ADGRD1: variants seen among roughly 807,000 people sequenced by gnomAD.
The protein encoded by ADGRD1 is G-protein coupled receptor 133.
A neutral mutation model predicts 113.4 loss-of-function variants in ADGRD1; 77 were observed. The observed-to-expected ratio is 0.68, with a 90% CI of 0.57 to 0.82. ADGRD1 has a LOEUF of 0.82. Among genes scored for constraint, ADGRD1 ranks in the 40% least tolerant of loss-of-function variants. The pLI is 0.00. For synonymous variants in ADGRD1, 474 were observed against 475.0 expected (o/e 1.00, Z 0.03); for missense variants, 1,036 against 1,139.1 (o/e 0.91, Z 1.30).
chr12:131,005,692 G>A (rs1217614039), intron 11 of ADGRD1, among the ~76,000 whole-genome samples: 2 of 152,178 alleles, frequency 1.3e-5, no homozygotes, highest in Non-Finnish European at 2.9e-5. Flanking sequence ...CTCTGAGACC[G>A]TGTGATGCCC....
intron 13 of ADGRD1, among the ~76,000 whole-genome samples, chr12:131,053,595 A>G (rs1412060658): frequency 6.6e-6 from 1 of 152,172 alleles, no homozygotes; most frequent in Non-Finnish European, 1.5e-5. Context: ...ACTTTCCATA[A>G]CATCAGTCAA....
At chr12:131,106,385 G>A (rs1282748384) in intron 17 of ADGRD1, among the ~76,000 whole-genome samples, 1 of 152,198 alleles carries the variant, frequency 6.6e-6, no homozygotes, top group African/African-American at 2.4e-5. Flanking sequence ...CATGGAGTGG[G>A]GGGTTCTCTG....
intron 13 of ADGRD1, among the ~76,000 whole-genome samples, chr12:131,046,537 A>G (rs62645687): frequency 0.82 from 89,108 of 108,668 alleles, 36,681 homozygotes; most frequent in East Asian, 0.97. Context: ...TCCCTCCCTG[A>G]TCAGTGCCCC....
intron 15 of ADGRD1, among the ~76,000 whole-genome samples, chr12:131,092,655 G>T (rs2137258422): frequency 6.6e-6 from 1 of 152,262 alleles, no homozygotes; most frequent in East Asian, 1.9e-4. Flanking sequence ...GGGTGCAGGA[G>T]CCCTGTGCCA....
At position 131,014,903 on chromosome 12, in the gene ADGRD1, G is replaced by A. The variant is rs779342711; in HGVS notation, c.1473+563G>A. On this transcript the variant is annotated intron_variant, in intron 13 of 24. Coordinates refer to ENST00000261654, the MANE Select transcript of ADGRD1 (RefSeq NM_198827.5). The stretch of plus-strand genomic sequence containing the variant: ...GATGCACTGCCATTCTTTAGTAAAA[G>A]GCAAAAGATGTATACAATCTGAGGA... Among the ~76,000 whole-genome samples, 202 of 152,262 alleles carry A rather than the reference G, an allele frequency of 1.3e-3. 1 individual carries two copies. Among genetic ancestry groups the A allele is most frequent in the Non-Finnish European group, 2.5e-3 (170 of 68,018 alleles).
intron 21 of ADGRD1, 35 bp from the exon 22 acceptor site, chr12:131,136,002 T>A: frequency 1.9e-6 from 3 of 1,613,022 alleles, no homozygotes; most frequent in Non-Finnish European, 2.5e-6. Context: ...CCTGCCCTCC[T>A]GCCACTCAGG....
At chr12:130,983,538 A>G (rs189749113) in intron 5 of ADGRD1, among the ~76,000 whole-genome samples, 3 of 152,292 alleles carry the variant, frequency 2.0e-5, no homozygotes, top group East Asian at 3.9e-4. Context: ...TTGACCTTGA[A>G]CAAAGGTAAA....
At chr12:131,029,581 C>G (rs112339914) in intron 13 of ADGRD1, among the ~76,000 whole-genome samples, 2,736 of 149,922 alleles carry the variant, frequency 0.018, 94 homozygotes, top group African/African-American at 0.064. Flanking sequence ...GTTGTGGACC[C>G]CTCATGTGGT....
At chr12:131,094,429 A>G (rs1267506163) in intron 15 of ADGRD1, among the ~76,000 whole-genome samples, 5 of 151,792 alleles carry the variant, frequency 3.3e-5, no homozygotes, top group Non-Finnish European at 7.4e-5. Context: ...AGGACGGTCT[A>G]TTGCCCTGTT....
intron 13 of ADGRD1, among the ~76,000 whole-genome samples, chr12:131,051,705 C>T (rs1379798141): frequency 1.3e-5 from 2 of 152,160 alleles, no homozygotes; most frequent in Admixed American, 1.3e-4. Flanking sequence ...AGGCTGGTCT[C>T]AAACTCCTGA....
chr12:131,035,975 T>C (rs1031269706), intron 13 of ADGRD1, among the ~76,000 whole-genome samples: 2 of 152,214 alleles, frequency 1.3e-5, no homozygotes, highest in African/African-American at 4.8e-5. Flanking sequence ...ATTATACCAC[T>C]ACTAAGGTTC....
intron 15 of ADGRD1, among the ~76,000 whole-genome samples, chr12:131,094,096 CACCCAGCCCTGAGCACCCAGCCTCGGT>C (rs1409261469): frequency 6.7e-6 from 1 of 149,492 alleles, no homozygotes; most frequent in African/African-American, 2.5e-5. Flanking sequence ...CCAGTCTCAG[CACCCAGCCCTGAGCACCCAGCCTCGGT>C]ACCCAGCCCT....
intron 14 of ADGRD1, among the ~76,000 whole-genome samples, chr12:131,078,349 C>T (rs991925362): frequency 6.6e-6 from 1 of 152,206 alleles, no homozygotes; most frequent in Non-Finnish European, 1.5e-5. Flanking sequence ...CTATGGCCGT[C>T]GGCGTCTGGC....
At chr12:131,055,895 C>T (rs1199391997) in intron 13 of ADGRD1, among the ~76,000 whole-genome samples, 2 of 152,130 alleles carry the variant, frequency 1.3e-5, no homozygotes, top group African/African-American at 4.8e-5. Flanking sequence ...TTTGATGTGG[C>T]ATATCAGAGG....
chr12:130,989,109 C>T (rs1231849898), intron 6 of ADGRD1: 1 of 152,188 alleles, frequency 6.6e-6, no homozygotes, highest in East Asian at 1.9e-4. Context: ...AATGCATTCC[C>T]TCTCCTAGCA....
intron 13 of ADGRD1, among the ~76,000 whole-genome samples, chr12:131,045,774 C>T (rs1048424803): frequency 2.0e-5 from 3 of 152,156 alleles, no homozygotes; most frequent in Non-Finnish European, 2.9e-5. Flanking sequence ...GCTGCCGGCA[C>T]CAGGCGGCCA....
rs1353250373 is a variant in ADGRD1, at chr12:131,050,425, T to C, written c.1474-26376T>C. Among the ~76,000 whole-genome samples the C allele has an allele frequency of 1.3e-5, 2 of 152,100 alleles. No individual in the cohort carries two copies. Among genetic ancestry groups the C allele is most frequent in the African/African-American group, 4.8e-5 (2 of 41,424 alleles). Reference sequence around the variant, plus strand: ...TTAGTCTGTTCATTGCTATAAGAAATACCTGAGGCTGGGTAATTTATTTTA... The same window carrying C: ...TTAGTCTGTTCATTGCTATAAGAAACACCTGAGGCTGGGTAATTTATTTTA... On this transcript the variant is annotated intron_variant, in intron 13 of 24. Transcript: ENST00000261654. The surrounding 1 kb of genome is among the most constrained non-coding windows in gnomAD (Gnocchi z 4.8).
At chr12:131,098,287 A>T (rs1241431415) in intron 15 of ADGRD1, among the ~76,000 whole-genome samples, 1 of 151,990 alleles carries the variant, frequency 6.6e-6, no homozygotes, top group Non-Finnish European at 1.5e-5. Context: ...CTTTCCCATG[A>T]TGAAGGGAGA....
rs192884499 is a variant in ADGRD1 at position 131,108,435 on chromosome 12, C to T, written c.1888-289C>T. Among the ~76,000 whole-genome samples, 24 of 152,286 alleles carry T rather than the reference C, an allele frequency of 1.6e-4. No individual in the cohort carries two copies. The East Asian group carries it at 4.4e-3, about 28-fold the overall frequency. On this transcript the variant is annotated intron_variant, in intron 17 of 24. Transcript: ENST00000261654. ...GTCATGTGCCCATCCCTGAGCCAAT[C>T]CTGTTGCAAGGAATGGATAGTTTTG...
Sources: allele counts gnomAD v4.1 joint callset (sites outside exome capture counted in the v4.1 genomes callset), GRCh38; gene constraint gnomAD v4.1.1; non-coding constraint Gnocchi (gnomAD v3.1); transcripts MANE v1.5; gene names NCBI Gene and HGNC (gene_info 2026-07-23, HGNC 2026-07-21).